ZBTB48: variants seen among roughly 807,000 people sequenced by gnomAD.
ZBTB48 encodes the protein zinc finger and BTB domain containing 48.
Under a neutral mutation model 64.5 loss-of-function variants are expected in ZBTB48, and 35 were observed. The observed-to-expected ratio is 0.54, with a 90% CI of 0.41 to 0.72. ZBTB48 has a LOEUF of 0.72. ZBTB48 is among the 30% of genes least tolerant of loss of function. The pLI, the probability that ZBTB48 is intolerant of heterozygous loss-of-function variation, is 0.00. For synonymous variants in ZBTB48, 442 were observed against 356.7 expected (o/e 1.24, Z -2.70); for missense variants, 828 against 895.3 (o/e 0.92, Z 0.96).
chr1:6,583,552 G>A (rs1640548027), intron 3 of ZBTB48, among the ~76,000 whole-genome samples: 1 of 151,540 alleles, frequency 6.6e-6, no homozygotes, highest in Non-Finnish European at 1.5e-5. Context: ...ACCTGCCTCG[G>A]CCTCCCAAAG....
At chr1:6,581,442 A>G (rs1046334685) in intron 2 of ZBTB48, 143 bp downstream of exon 2, 2 of 923,768 alleles carry the variant, frequency 2.2e-6, no homozygotes, top group Non-Finnish European at 3.1e-6. Context: ...GGGGTGGATC[A>G]CTTTAGCTTG....
chr1:6,580,153 G>T lies in ZBTB48; in HGVS notation c.-70+17G>T, dbSNP rs567959961. On this transcript the variant is annotated intron_variant, in intron 1 of 10. Transcript: ENST00000377674. This position sits in a 1 kb window ranked among gnomAD's most constrained non-coding sequence, Gnocchi z 5.2. ...CCTGCCTGGGTGAGGAGGGCGCGGG[G>T]TGAGGGAGGGAGGGGCTGCGGGCCG... 1.5e-4 allele frequency: 29 copies of T among 192,300 alleles called. 1 individual carries two copies. In the South Asian group the frequency reaches 2.5e-3, roughly 17 times the overall value. 11.9% of individuals were successfully genotyped at this position (192,300 alleles called of 1,614,324 possible). A position where few individuals can be genotyped will look rare whatever the true frequency, so the allele number is the denominator to read the frequency against.
Position 6,589,066 on chromosome 1 carries a change from G to GTCATTGTGGAGTCCCTGGCCCA in ZBTB48, c.1922_1943dup (p.Gln648HisfsTer47). 1 of 1,607,182 alleles carries GTCATTGTGGAGTCCCTGGCCCA rather than the reference G, an allele frequency of 6.2e-7. No homozygotes were observed. The highest frequency in any genetic ancestry group is 2.2e-5 in the East Asian group (1 of 44,814). Reference sequence around the variant, plus strand: ...AGAGCTGGAGGTGGGCTCGGCGGAGGTCATTGTGGAGTCCCTGGCCCAGGG... The same window carrying GTCATTGTGGAGTCCCTGGCCCA: ...AGAGCTGGAGGTGGGCTCGGCGGAGGTCATTGTGGAGTCCCTGGCCCATCATTGTGGAGTCCCTGGCCCAGGG... On this transcript the variant is annotated frameshift_variant, in exon 11 of 11. Coordinates refer to ENST00000377674, the MANE Select transcript of ZBTB48 (RefSeq NM_005341.4). LOFTEE classifies it high-confidence loss of function.
At position 6,586,681 on chromosome 1, in the gene ZBTB48, CCT is replaced by C; in HGVS notation, c.1045-12_1045-11del. The C allele has an allele frequency of 2.0e-6, 3 of 1,532,812 alleles. 1 individual carries two copies. In the South Asian group the frequency reaches 3.9e-5, roughly 20 times the overall value. 95.0% of individuals were successfully genotyped at this position (1,532,812 alleles called of 1,614,324 possible). ...CCCGCTGATGCCGGCCCTGCTTGCC[CCT>C]CACACTGCCAGGTCTTCACGTGCTC... On this transcript the variant is annotated splice_polypyrimidine_tract_variant and intron_variant, in intron 4 of 10. Transcript: ENST00000377674.
At position 6,588,926 on chromosome 1, in the gene ZBTB48, G is replaced by A. The variant is rs1054573359; in HGVS notation, c.1781G>A (p.Arg594Gln). ...CACCCTCCCCGCCAGGCCCACCTGCGGAGGCACATGGAGATCCACGACCGG... is the reference window on the plus strand; with the variant it reads ...CACCCTCCCCGCCAGGCCCACCTGCAGAGGCACATGGAGATCCACGACCGG... ...GYKFTRQAHLRRHMEIHDRVE... is the reference protein window; with the variant it reads ...GYKFTRQAHLQRHMEIHDRVE... The change falls in exon 11 of 11, where the codon CGG becomes CAG. Residue 594 changes from arginine to glutamine, a missense_variant. Transcript: ENST00000377674. 1.2e-6 allele frequency: 2 copies of A among 1,612,584 alleles called. No individual in the cohort carries two copies. Among genetic ancestry groups the A allele is most frequent in the African/African-American group, 1.3e-5 (1 of 74,912 alleles).
Position 6,587,913 on chromosome 1 carries a change from T to C in ZBTB48, c.1380-147T>C, listed in dbSNP as rs557322150. ...GTTTCCTGTGACTCCTGCTCATAGATTGTCCTTCTGCTCTCGGGGTGGAGG... is the reference window on the plus strand; with the variant it reads ...GTTTCCTGTGACTCCTGCTCATAGACTGTCCTTCTGCTCTCGGGGTGGAGG... On this transcript the variant is annotated intron_variant, in intron 7 of 10. Coordinates refer to ENST00000377674, the MANE Select transcript of ZBTB48 (RefSeq NM_005341.4). 136 of 1,216,866 alleles carry C rather than the reference T, an allele frequency of 1.1e-4. No individual in the cohort carries two copies. The African/African-American group carries it at 1.7e-3, about 15-fold the overall frequency. The allele number at this position is 1,216,866 out of a possible 1,614,324, so 75.4% of individuals were successfully genotyped here. A position where few individuals can be genotyped will look rare whatever the true frequency, so the allele number is the denominator to read the frequency against.
chr1:6,586,086 TCG>T, intron 4 of ZBTB48, 56 bp downstream of exon 4: 4 of 1,569,234 alleles, frequency 2.5e-6, no homozygotes, highest in Non-Finnish European at 3.5e-6. Context: ...CTCTCTGTCT[TCG>T]TGCCATCCGG....
At chr1:6,581,452 G>A (rs1477478361) in intron 2 of ZBTB48, among the ~76,000 whole-genome samples, 153 bp downstream of exon 2, 2 of 152,032 alleles carry the variant, frequency 1.3e-5, no homozygotes, top group African/African-American at 2.4e-5. Flanking sequence ...ACTTTAGCTT[G>A]GGAGTTCGAG....
In ZBTB48 at chr1:6,585,922, A is replaced by G. The variant is rs775558473; in HGVS notation, c.936A>G (p.Lys312=). The G allele has an allele frequency of 8.1e-6, 13 of 1,613,868 alleles. No individual in the cohort carries two copies. The highest frequency in any genetic ancestry group is 1.1e-5 in the Non-Finnish European group (13 of 1,179,934). Reference sequence around the variant, plus strand: ...CCCCTGTGGCTTCTCCTGGCAGGAAACATACTGGGGAGAAACCCTTTGAGT... The same window carrying G: ...CCCCTGTGGCTTCTCCTGGCAGGAAGCATACTGGGGAGAAACCCTTTGAGT... ...SKYYLKVHNR[K]HTGEKPFECP... The change falls in exon 4 of 11, where the codon AAA becomes AAG. Residue 312 remains lysine, a synonymous_variant. Coordinates refer to ENST00000377674, the MANE Select transcript of ZBTB48 (RefSeq NM_005341.4).
rs1640652473 is a variant in ZBTB48, at chr1:6,586,022, T to C, written c.1036T>C (p.Ser346Pro). 1 of 1,614,012 alleles carries C rather than the reference T, an allele frequency of 6.2e-7. No homozygotes were observed. The highest frequency in any genetic ancestry group is 1.3e-5 in the African/African-American group (1 of 75,016). Reference sequence around the variant, plus strand: ...TGAAGCCCGGAATTGCATGAACCGCTCGGAACAGGTACTTGGGAGCTGGCC... The same window carrying C: ...TGAAGCCCGGAATTGCATGAACCGCCCGGAACAGGTACTTGGGAGCTGGCC... Reference protein sequence around the residue: ...EHEARNCMNRSEQVFTCSVCQ... With the variant: ...EHEARNCMNRPEQVFTCSVCQ... Residue 346 changes from serine to proline, a missense_variant, in exon 4 of 11, where the codon TCG (serine) becomes CCG (proline). Ser to Pro is a moderately conservative substitution (Grantham distance 74, BLOSUM62 -1). Coordinates refer to ENST00000377674, the MANE Select transcript of ZBTB48 (RefSeq NM_005341.4).
intron 9 of ZBTB48, 36 bp downstream of exon 9, chr1:6,588,478 C>T (rs901310992): frequency 1.4e-6 from 2 of 1,475,868 alleles, no homozygotes; most frequent in East Asian, 2.4e-5. Context: ...ATTTCCTGCT[C>T]ATCCGAGTTG....
In ZBTB48 at chr1:6,580,526, C is replaced by T; in HGVS notation, c.-69-15C>T. ...GAGTAGAGGCCAACTTCCCGTTTCT[C>T]TCTCTTGACTCCAGGAGCTTTCTCT... On this transcript the variant is annotated splice_polypyrimidine_tract_variant and intron_variant, in intron 1 of 10. Transcript: ENST00000377674. The surrounding 1 kb of genome is among the most constrained non-coding windows in gnomAD (Gnocchi z 5.2). 1.4e-6 allele frequency: 2 copies of T among 1,425,074 alleles called. No individual in the cohort carries two copies. Among genetic ancestry groups the T allele is most frequent in the South Asian group, 1.3e-5 (1 of 74,226 alleles). 88.3% of individuals were successfully genotyped at this position (1,425,074 alleles called of 1,614,324 possible). A position where few individuals can be genotyped will look rare whatever the true frequency, so the allele number is the denominator to read the frequency against.
chr1:6,588,044 G>A lies in ZBTB48; in HGVS notation c.1380-16G>A, dbSNP rs999422354. On this transcript the variant is annotated splice_polypyrimidine_tract_variant and intron_variant, in intron 7 of 10. Transcript: ENST00000377674. Reference sequence around the variant, plus strand: ...CCCTTGGTGATGGCCTCTGCCCCATGTCCCCACCTTAACAGGAATGAGAGG... The same window carrying A: ...CCCTTGGTGATGGCCTCTGCCCCATATCCCCACCTTAACAGGAATGAGAGG... 2 of 1,613,706 alleles carry A rather than the reference G, an allele frequency of 1.2e-6. No individual in the cohort carries two copies. Among genetic ancestry groups the A allele is most frequent in the African/African-American group, 2.7e-5 (2 of 74,916 alleles).
intron 5 of ZBTB48, 183 bp downstream of exon 5, chr1:6,586,970 C>A: frequency 1.1e-6 from 1 of 871,790 alleles, no homozygotes; most frequent in South Asian, 1.4e-5. Context: ...TGCAGCCTCA[C>A]CTCCAAGGTC....
chr1:6,583,113 C>T (rs1254449836), intron 3 of ZBTB48, among the ~76,000 whole-genome samples: 2 of 152,178 alleles, frequency 1.3e-5, no homozygotes, highest in South Asian at 2.1e-4. Flanking sequence ...GCTTCAGCCT[C>T]CCAAATAGCT....
Position 6,580,104 on chromosome 1 carries a change from C to G in ZBTB48, c.-102C>G. Reference sequence around the variant, plus strand: ...GCTGTGGAGGCGACGGAGCAGGGGGCCAGTGGGGCCAGCTCAGGGAGGACC... The same window carrying G: ...GCTGTGGAGGCGACGGAGCAGGGGGGCAGTGGGGCCAGCTCAGGGAGGACC... On this transcript the variant is annotated 5_prime_UTR_variant, in exon 1 of 11. Transcript: ENST00000377674. The surrounding 1 kb of genome is among the most constrained non-coding windows in gnomAD (Gnocchi z 5.2). The G allele has an allele frequency of 1.1e-5, 2 of 189,452 alleles. No individual in the cohort carries two copies. The highest frequency in any genetic ancestry group is 9.2e-5 in the South Asian group (1 of 10,918). 11.7% of individuals were successfully genotyped at this position (189,452 alleles called of 1,614,324 possible). A position where few individuals can be genotyped will look rare whatever the true frequency, so the allele number is the denominator to read the frequency against.
rs762466479 is a variant in ZBTB48, at chr1:6,581,314, G to A, written c.690+15G>A. The A allele has an allele frequency of 1.3e-6, 2 of 1,575,846 alleles. No individual in the cohort carries two copies. Among genetic ancestry groups the A allele is most frequent in the Non-Finnish European group, 1.7e-6 (2 of 1,162,706 alleles). On this transcript the variant is annotated intron_variant, in intron 2 of 10. Coordinates refer to ENST00000377674, the MANE Select transcript of ZBTB48 (RefSeq NM_005341.4). ...GCAGTAATGAGGTACTGTGCCCAGG[G>A]TGTTGGGACTGGGGAGACAAATAGA...
chr1:6,587,630 CA>C lies in ZBTB48; in HGVS notation c.1378del (p.Arg460GlyfsTer78). On this transcript the variant is annotated frameshift_variant and splice_region_variant, in exon 7 of 11. Transcript: ENST00000377674. LOFTEE classifies it high-confidence loss of function. ...TGCAGATGCACATCAAGGCCAAGCA[CA>C]GGTGCGTGTCGCCCGTTCTCTCTTG... ...GLQMHIKAKH[R>X]NERPHVCEFC... The C allele has an allele frequency of 6.2e-7, 1 of 1,612,800 alleles. No homozygotes were observed. Among genetic ancestry groups the C allele is most frequent in the Non-Finnish European group, 8.5e-7 (1 of 1,180,028 alleles).
intron 4 of ZBTB48, 84 bp downstream of exon 4, chr1:6,586,114 ACTGT>A (rs901956045): frequency 7.3e-6 from 10 of 1,368,908 alleles, no homozygotes; most frequent in East Asian, 4.6e-5. Flanking sequence ...GCCCCAGGAG[ACTGT>A]CTGAGAGGGG....
Sources: gnomAD v4.1 joint callset for allele counts (sites outside exome capture counted in the v4.1 genomes callset) on GRCh38, gnomAD v4.1.1 for gene constraint, Gnocchi (gnomAD v3.1) non-coding constraint, MANE v1.5 for transcripts, NCBI Gene and HGNC (gene_info 2026-07-23, HGNC 2026-07-21) for gene names.